KYAT1: variants seen among roughly 807,000 people sequenced by gnomAD.
KYAT1 encodes kynurenine--oxoglutarate transaminase 1.
In KYAT1, 47 loss-of-function variants were observed where a neutral mutation model predicts 52.4. That is an observed-to-expected ratio of 0.90 (90% CI 0.71 to 1.14). The LOEUF (loss-of-function observed/expected upper bound fraction) is 1.14, where lower values mean the gene tolerates loss of function less well. KYAT1 is among the 50% of genes most tolerant of loss of function. KYAT1 has a pLI of 0.00. For synonymous variants in KYAT1, 212 were observed against 209.6 expected, an observed-to-expected ratio of 1.01 and a Z score of -0.10; for missense variants, 480 against 557.9, an observed-to-expected ratio of 0.86 and a Z score of 1.41.
chr9:128,877,458 G>A (rs1020672790), intron 1 of KYAT1, among the ~76,000 whole-genome samples: 4 of 152,200 alleles, frequency 2.6e-5, no homozygotes, highest in Non-Finnish European at 5.9e-5. Context: ...TGCTCAAAAG[G>A]AGAACAAGGA....
intron 11 of KYAT1, 90 bp from the exon 12 acceptor site, chr9:128,833,916 C>A (rs142839222): frequency 4.0e-6 from 4 of 1,007,092 alleles, no homozygotes; most frequent in Non-Finnish European, 6.1e-6. Flanking sequence ...CACGACCAGG[C>A]GGGGAAGGAG....
chr9:128,837,919 C>T (rs1012633233), intron 5 of KYAT1, 106 bp from the exon 6 acceptor site: 4 of 1,483,196 alleles, frequency 2.7e-6, no homozygotes, highest in African/African-American at 2.7e-5. Flanking sequence ...AACACACACA[C>T]CTCCCCTCTG....
chr9:128,864,276 G>A (rs1237800606), intron 1 of KYAT1, among the ~76,000 whole-genome samples: 1 of 145,382 alleles, frequency 6.9e-6, no homozygotes, highest in African/African-American at 2.5e-5. Context: ...TGAGGCAGGA[G>A]AATGTTGTGA....
intron 1 of KYAT1, among the ~76,000 whole-genome samples, chr9:128,857,963 A>G (rs969926890): frequency 3.3e-5 from 5 of 152,210 alleles, no homozygotes; most frequent in African/African-American, 1.2e-4. Context: ...ATACACAACA[A>G]AAGAAAAAAT....
At chr9:128,865,178 T>C (rs1406738876) in intron 1 of KYAT1, among the ~76,000 whole-genome samples, 3 of 144,592 alleles carry the variant, frequency 2.1e-5, no homozygotes, top group Non-Finnish European at 4.5e-5. Flanking sequence ...TGAGCCATAA[T>C]TGCACTACTG....
intron 1 of KYAT1, among the ~76,000 whole-genome samples, chr9:128,849,562 G>C (rs544003609): frequency 1.3e-5 from 2 of 151,784 alleles, no homozygotes; most frequent in Non-Finnish European, 2.9e-5. Flanking sequence ...TTGGGAGGCC[G>C]AGGCAGGCTG....
chr9:128,862,253 G>A (rs1315299986), intron 1 of KYAT1, among the ~76,000 whole-genome samples: 3 of 152,142 alleles, frequency 2.0e-5, no homozygotes, highest in Non-Finnish European at 2.9e-5. Context: ...TCCTCCTGCC[G>A]CAGCGTCCCA....
intron 1 of KYAT1, among the ~76,000 whole-genome samples, chr9:128,865,332 TATATATATATATATATA>T (rs1836123530): frequency 5.5e-3 from 13 of 2,360 alleles, no homozygotes; most frequent in Non-Finnish European, 0.012. Flanking sequence ...TATATATATA[TATATATATATATATATA>T]TATATATATA....
intron 1 of KYAT1, among the ~76,000 whole-genome samples, chr9:128,848,820 C>CAAA (rs746737161): frequency 1.6e-4 from 9 of 57,018 alleles, no homozygotes; most frequent in South Asian, 1.2e-3. Flanking sequence ...GACTCTGTCT[C>CAAA]AAAAAAAAAA....
At chr9:128,862,323 C>A (rs1046073852) in intron 1 of KYAT1, among the ~76,000 whole-genome samples, 3 of 152,170 alleles carry the variant, frequency 2.0e-5, no homozygotes, top group African/African-American at 7.2e-5. Context: ...AATAATACAA[C>A]CAGCTTTAAT....
intron 1 of KYAT1, among the ~76,000 whole-genome samples, chr9:128,863,296 T>C (rs948764789): frequency 6.6e-6 from 1 of 152,116 alleles, no homozygotes; most frequent in Non-Finnish European, 1.5e-5. Flanking sequence ...CAAGCCATTT[T>C]ACCTCTCTGA....
At chr9:128,869,484 G>GA (rs1477443974) in intron 1 of KYAT1, among the ~76,000 whole-genome samples, 4 of 152,202 alleles carry the variant, frequency 2.6e-5, no homozygotes, top group African/African-American at 9.6e-5. Context: ...ATAGAGGAAA[G>GA]AATAGTCTCT....
intron 1 of KYAT1, among the ~76,000 whole-genome samples, chr9:128,878,651 C>T (rs913194313): frequency 6.6e-6 from 1 of 152,164 alleles, no homozygotes; most frequent in Non-Finnish European, 1.5e-5. Flanking sequence ...CACTCAGACA[C>T]AGTCCCCCTG....
chr9:128,835,451 G>C, intron 10 of KYAT1, 30 bp downstream of exon 10: 1 of 1,613,610 alleles, frequency 6.2e-7, no homozygotes, highest in Non-Finnish European at 8.5e-7. Flanking sequence ...CAGCCCCTGC[G>C]CCCTGCCCAG....
Position 128,838,214 on chromosome 9 carries a change from T to C in KYAT1, c.351+4A>G. 2.5e-6 allele frequency: 4 copies of C among 1,614,174 alleles called. No homozygotes were observed. Among genetic ancestry groups the C allele is most frequent in the Non-Finnish European group, 3.4e-6 (4 of 1,180,026 alleles). On this transcript the variant is annotated splice_donor_region_variant and intron_variant, in intron 4 of 12. Transcript: ENST00000302586. ...CCCACTCAGCCCAAGTCTTGCCCAC[T>C]CACCTCGTCTCCTTCGTCCACCAGG... is the stretch of plus-strand genomic sequence containing the variant.
At chr9:128,869,132 G>A (rs1011998394) in intron 1 of KYAT1, among the ~76,000 whole-genome samples, 2 of 149,430 alleles carry the variant, frequency 1.3e-5, no homozygotes, top group African/African-American at 2.5e-5. Flanking sequence ...GAGCCACTGC[G>A]CCTGGCCTTA....
chr9:128,833,876 C>A, intron 11 of KYAT1, 50 bp from the exon 12 acceptor site: 1 of 1,522,100 alleles, frequency 6.6e-7, no homozygotes, highest in Non-Finnish European at 9.1e-7. Context: ...GCCCAGCAGG[C>A]CTTGGCTCCG....
chr9:128,882,134 A>T (rs1403003014), upstream of KYAT1: 1 of 152,194 alleles, frequency 6.6e-6, no homozygotes. Flanking sequence ...GAGGAGGCTG[A>T]GTGGTGCAGT....
At chr9:128,836,945 C>G (rs773817188) in intron 6 of KYAT1, 23 bp from the exon 7 acceptor site, 2 of 1,605,724 alleles carry the variant, frequency 1.2e-6, no homozygotes, top group Non-Finnish European at 1.7e-6. Flanking sequence ...AAGGAGAGCA[C>G]AGACCTGCAG....
Sources: allele counts gnomAD v4.1 joint callset (sites outside exome capture counted in the v4.1 genomes callset), GRCh38; gene constraint gnomAD v4.1.1; transcripts MANE v1.5; gene names NCBI Gene and HGNC (gene_info 2026-07-23, HGNC 2026-07-21).